SOCS5: variants seen among roughly 807,000 people sequenced by gnomAD.
The protein encoded by SOCS5 is suppressor of cytokine signaling 5.
Under a neutral mutation model 42.8 loss-of-function variants are expected in SOCS5, and 32 were observed. The observed-to-expected ratio is 0.75, with a 90% CI of 0.56 to 1.01. The LOEUF is 1.01. SOCS5 is among the 50% of genes least tolerant of loss of function. The pLI is 0.00. For synonymous variants in SOCS5, 283 were observed against 229.6 expected, an observed-to-expected ratio of 1.23 and a Z score of -2.10; for missense variants, 627 against 653.0, an observed-to-expected ratio of 0.96 and a Z score of 0.43.
intron 1 of SOCS5, among the ~76,000 whole-genome samples, chr2:46,754,483 T>C (rs1673690814): frequency 6.6e-6 from 1 of 152,134 alleles, no homozygotes. Context: ...TTAAATCACA[T>C]AGTTACACTA....
intron 1 of SOCS5, among the ~76,000 whole-genome samples, chr2:46,755,374 A>G (rs112116805): frequency 3.3e-5 from 5 of 152,150 alleles, no homozygotes; most frequent in South Asian, 2.1e-4. Context: ...GGCATTAAGA[A>G]GGACCATTGA....
Position 46,759,759 on chromosome 2 carries a change from A to T in SOCS5, c.1229A>T (p.Gln410Leu). Residue 410 changes from glutamine (Q) to leucine (L), a missense_variant, in exon 2 of 2, where the codon CAA (glutamine) becomes CTA (leucine). Gln to Leu is a moderately radical substitution (Grantham distance 113). Coordinates refer to ENST00000394861, the MANE Select transcript of SOCS5 (RefSeq NM_144949.3). ...ACGTTTTTGCTCAGGGACTCTGCGC[A>T]AGAGGACTACCTCTTCTCTGTGAGC... Reference protein sequence around the residue: ...EGTFLLRDSAQEDYLFSVSFR... With the variant: ...EGTFLLRDSALEDYLFSVSFR... 6.2e-7 allele frequency: 1 copy of T among 1,614,170 alleles called. No homozygotes were observed.
intron 1 of SOCS5, among the ~76,000 whole-genome samples, chr2:46,747,237 T>C (rs1449739208): frequency 6.6e-6 from 1 of 152,186 alleles, no homozygotes; most frequent in Non-Finnish European, 1.5e-5. Flanking sequence ...TTACTTTTTT[T>C]TGAGACAGGA....
chr2:46,726,600 C>A (rs1393773249), intron 1 of SOCS5, among the ~76,000 whole-genome samples: 14 of 152,232 alleles, frequency 9.2e-5, no homozygotes, highest in Non-Finnish European at 5.9e-5. Context: ...TCTCTGTTCA[C>A]TATTTTTCTC....
rs1257253185 is a variant in SOCS5 at position 46,699,499 on chromosome 2, C to G, written c.-13+50C>G. On this transcript the variant is annotated intron_variant, in intron 1 of 1. Transcript: ENST00000394861. The surrounding 1 kb of genome is among the most constrained non-coding windows in gnomAD (Gnocchi z 4.8). The stretch of plus-strand genomic sequence containing the variant: ...GGCCCGCCGCCTGCTCCCCGGCCCC[C>G]GCGCCGTCGTCCGCGGCCGCCTCTC... The G allele has an allele frequency of 1.3e-5, 2 of 151,774 alleles. No homozygotes were observed. The highest frequency in any genetic ancestry group is 2.4e-5 in the African/African-American group (1 of 41,306). The allele number at this position is 151,774 out of a possible 1,614,324, so 9.4% of individuals were successfully genotyped here.
intron 1 of SOCS5, among the ~76,000 whole-genome samples, chr2:46,722,796 G>A (rs1672911274): frequency 6.6e-6 from 1 of 152,092 alleles, no homozygotes; most frequent in African/African-American, 2.4e-5. Flanking sequence ...CACTCACAAT[G>A]TTATGAGAGT....
At chr2:46,713,442 A>G (rs1672672517) in intron 1 of SOCS5, among the ~76,000 whole-genome samples, 1 of 152,198 alleles carries the variant, frequency 6.6e-6, no homozygotes, top group Non-Finnish European at 1.5e-5. Context: ...TGTTGAATTT[A>G]TCAGCATGAA....
Position 46,759,983 on chromosome 2 carries a change from C to G in SOCS5, c.1453C>G (p.Gln485Glu). 1 of 1,614,156 alleles carries G rather than the reference C, an allele frequency of 6.2e-7. No homozygotes were observed. The highest frequency in any genetic ancestry group is 1.1e-5 in the South Asian group (1 of 91,080). ...SLNRTFPFSLQYICRAVICRC... is the reference protein window; with the variant it reads ...SLNRTFPFSLEYICRAVICRC... ...AAATAGGACTTTCCCTTTTAGCCTG[C>G]AGTATATCTGTCGCGCGGTAATCTG... is the stretch of plus-strand genomic sequence containing the variant. The change falls in exon 2 of 2, where the codon CAG (glutamine) becomes GAG (glutamate). Residue 485 changes from glutamine to glutamate, a missense_variant. Transcript: ENST00000394861.
Position 46,760,110 on chromosome 2 carries a change from G to C in SOCS5, c.1580G>C (p.Trp527Ser). ...TATAAACAAAAAGTTAGAGTTCGCT[G>C]GTTGGAACGAGAACCAGTCAAGGCA... Reference protein sequence around the residue: ...YHYKQKVRVRWLEREPVKAK With the variant: ...YHYKQKVRVRSLEREPVKAK The change falls in exon 2 of 2, where the codon TGG (tryptophan) becomes TCG (serine). Residue 527 changes from tryptophan (W) to serine (S), a missense_variant. Physicochemically the swap from Trp to Ser is radical, Grantham distance 177 (BLOSUM62 -3). Transcript: ENST00000394861. 1 of 1,613,652 alleles carries C rather than the reference G, an allele frequency of 6.2e-7. No homozygotes were observed. The highest frequency in any genetic ancestry group is 1.3e-5 in the African/African-American group (1 of 74,990).
chr2:46,754,941 A>T (rs1041408894), intron 1 of SOCS5, among the ~76,000 whole-genome samples: 1 of 152,192 alleles, frequency 6.6e-6, no homozygotes, highest in African/African-American at 2.4e-5. Flanking sequence ...AATTATTGAA[A>T]TGCCACCAAA....
intron 1 of SOCS5, among the ~76,000 whole-genome samples, chr2:46,710,833 A>G (rs1280227007): frequency 1.3e-5 from 2 of 152,206 alleles, no homozygotes; most frequent in East Asian, 1.9e-4. Flanking sequence ...CTCTCTTCCC[A>G]TTGAGTCCTT....
At chr2:46,720,913 TATTGA>T (rs1295508607) in intron 1 of SOCS5, among the ~76,000 whole-genome samples, 1 of 152,134 alleles carries the variant, frequency 6.6e-6, no homozygotes, top group Non-Finnish European at 1.5e-5. Flanking sequence ...GAGAAAGCAG[TATTGA>T]ATTAAGCAGC....
intron 1 of SOCS5, among the ~76,000 whole-genome samples, chr2:46,734,118 A>G (rs1363573746): frequency 6.6e-6 from 1 of 152,218 alleles, no homozygotes; most frequent in Non-Finnish European, 1.5e-5. Flanking sequence ...ATACCCTTTC[A>G]GTAATTTGTC....
intron 1 of SOCS5, among the ~76,000 whole-genome samples, chr2:46,736,443 C>T (rs1673248003): frequency 6.6e-6 from 1 of 152,102 alleles, no homozygotes; most frequent in South Asian, 2.1e-4. Context: ...TTTCATCTTC[C>T]CCAACTGAGA....
At chr2:46,755,499 A>G (rs953488487) in intron 1 of SOCS5, among the ~76,000 whole-genome samples, 2 of 152,196 alleles carry the variant, frequency 1.3e-5, no homozygotes, top group African/African-American at 4.8e-5. Context: ...AACAAAAGCT[A>G]TTTAACTTCC....
intron 1 of SOCS5, among the ~76,000 whole-genome samples, chr2:46,737,209 C>A (rs1473399660): frequency 6.6e-6 from 1 of 152,112 alleles, no homozygotes; most frequent in Non-Finnish European, 1.5e-5. Context: ...AATACAGTGG[C>A]CTTTCACAAT....
At chr2:46,729,561 A>G (rs921706820) in intron 1 of SOCS5, among the ~76,000 whole-genome samples, 3 of 152,230 alleles carry the variant, frequency 2.0e-5, no homozygotes, top group Non-Finnish European at 2.9e-5. Context: ...TTATGTATCT[A>G]AACATCTATA....
chr2:46,721,596 G>A (rs1436212239), intron 1 of SOCS5, among the ~76,000 whole-genome samples: 3 of 152,046 alleles, frequency 2.0e-5, no homozygotes, highest in Admixed American at 6.5e-5. Context: ...TATTTAATAC[G>A]TTAAGAATTA....
chr2:46,711,700 T>A (rs1030841770), intron 1 of SOCS5, among the ~76,000 whole-genome samples: 2 of 152,242 alleles, frequency 1.3e-5, no homozygotes, highest in Non-Finnish European at 2.9e-5. Flanking sequence ...CCCCCACAGT[T>A]GTGAAGATAT....
Sources: gnomAD v4.1 joint callset for allele counts (sites outside exome capture counted in the v4.1 genomes callset) on GRCh38, gnomAD v4.1.1 for gene constraint, Gnocchi (gnomAD v3.1) non-coding constraint, MANE v1.5 for transcripts, NCBI Gene and HGNC (gene_info 2026-07-23, HGNC 2026-07-21) for gene names.